Variants in KIAA1671 observed in about 807,000 individuals in gnomAD.
KIAA1671 encodes KIAA1671.
Under a neutral mutation model 131.2 loss-of-function variants are expected in KIAA1671, and 52 were observed. That is an observed-to-expected ratio of 0.40 (90% confidence interval 0.32 to 0.50). KIAA1671 has a LOEUF of 0.50. Ranked by LOEUF, KIAA1671 falls within the 20% of genes least tolerant of loss-of-function variation. The pLI, the probability that KIAA1671 is intolerant of heterozygous loss-of-function variation, is 0.73. For missense variants in KIAA1671, 2,360 were observed against 2,364.2 expected (o/e 1.00, Z 0.04); for synonymous variants, 1,003 against 961.6 (o/e 1.04, Z -0.80).
intron 1 of KIAA1671, among the ~76,000 whole-genome samples, chr22:25,002,867 C>A (rs1924550442): frequency 6.6e-6 from 1 of 152,064 alleles, no homozygotes; most frequent in Non-Finnish European, 1.5e-5. Flanking sequence ...GCAACTGCCT[C>A]TTCCTGGGAT....
rs1934696759 is a variant in KIAA1671, at chr22:25,192,408, A to G, written c.*7A>G. On this transcript the variant is annotated splice_region_variant and 3_prime_UTR_variant, in exon 13 of 13. Transcript: ENST00000358431. ...CAGTACTGTCCCTTCCTCTCCAGGC[A>G]GGGAACACTGCCACATCTACGTAAC... The G allele has an allele frequency of 6.6e-6, 1 of 152,236 alleles. No individual in the cohort carries two copies. Among genetic ancestry groups the G allele is most frequent in the Non-Finnish European group, 1.5e-5 (1 of 68,046 alleles). The allele number at this position is 152,236 out of a possible 1,614,324, so 9.4% of individuals were successfully genotyped here. A position where few individuals can be genotyped will look rare whatever the true frequency, so the allele number is the denominator to read the frequency against.
chr22:24,968,199 G>C (rs1055494159), intron 1 of KIAA1671, among the ~76,000 whole-genome samples: 3 of 152,190 alleles, frequency 2.0e-5, no homozygotes, highest in Admixed American at 6.5e-5. Context: ...AGGTAGGGAA[G>C]GGGGGCGGCG....
rs1468951714 is a variant in KIAA1671 at position 25,193,224 on chromosome 22, T to C, written c.*823T>C. The C allele has an allele frequency of 2.0e-5, 3 of 152,230 alleles. No individual in the cohort carries two copies. Among genetic ancestry groups the C allele is most frequent in the African/African-American group, 4.8e-5 (2 of 41,452 alleles). 9.4% of individuals were successfully genotyped at this position (152,230 alleles called of 1,614,324 possible). A position where few individuals can be genotyped will look rare whatever the true frequency, so the allele number is the denominator to read the frequency against. On this transcript the variant is annotated 3_prime_UTR_variant, in exon 13 of 13. Coordinates refer to ENST00000358431, the MANE Select transcript of KIAA1671 (RefSeq NM_001145206.2). ...TTATCTTATCCCTATCCAAGCTGTTTAGAAGTTATAATTGTCACTCTTGTA... is the reference window on the plus strand; with the variant it reads ...TTATCTTATCCCTATCCAAGCTGTTCAGAAGTTATAATTGTCACTCTTGTA...
At chr22:25,115,338 T>TG (rs1931597304) in intron 6 of KIAA1671, among the ~76,000 whole-genome samples, 1 of 152,038 alleles carries the variant, frequency 6.6e-6, no homozygotes, top group African/African-American at 2.4e-5. Flanking sequence ...TCTGAGGCCA[T>TG]GGGGTGCCGC....
intron 6 of KIAA1671, among the ~76,000 whole-genome samples, chr22:25,070,698 G>A (rs1928776561): frequency 6.6e-6 from 1 of 151,710 alleles, no homozygotes; most frequent in African/African-American, 2.4e-5. Flanking sequence ...AAAACAGGAA[G>A]AACGAGAACC....
chr22:24,990,743 T>G (rs1185792796), intron 1 of KIAA1671, among the ~76,000 whole-genome samples: 1 of 152,108 alleles, frequency 6.6e-6, no homozygotes, highest in East Asian at 1.9e-4. Flanking sequence ...ACCTTGCGGG[T>G]GGGCAGCTTC....
intron 2 of KIAA1671, among the ~76,000 whole-genome samples, chr22:25,026,800 C>G (rs975906005): frequency 2.0e-5 from 3 of 151,914 alleles, no homozygotes; most frequent in African/African-American, 7.2e-5. Flanking sequence ...TGATCGTAGG[C>G]AAGTCTGGCG....
intron 6 of KIAA1671, among the ~76,000 whole-genome samples, chr22:25,084,939 T>G (rs965475247): frequency 5.3e-5 from 8 of 152,258 alleles, no homozygotes; most frequent in Non-Finnish European, 1.0e-4. Context: ...CTTAGGGCTC[T>G]GGAAGTGAGT....
intron 6 of KIAA1671, chr22:25,112,321 C>T: frequency 2.5e-6 from 1 of 399,018 alleles, no homozygotes; most frequent in East Asian, 3.6e-5. Flanking sequence ...AGTCGGCCAG[C>T]CGGACCCCCT....
intron 6 of KIAA1671, among the ~76,000 whole-genome samples, chr22:25,143,438 A>G (rs1297193234): frequency 1.3e-5 from 2 of 152,378 alleles, no homozygotes; most frequent in Non-Finnish European, 2.9e-5. Flanking sequence ...CCAAATGTCC[A>G]TTTTGAAATG....
intron 6 of KIAA1671, among the ~76,000 whole-genome samples, chr22:25,109,486 C>T (rs1414989139): frequency 6.6e-6 from 1 of 152,142 alleles, no homozygotes; most frequent in Non-Finnish European, 1.5e-5. Context: ...CACGGACCAA[C>T]CTTGATTCGT....
chr22:25,121,245 A>G (rs1931929205), intron 6 of KIAA1671, among the ~76,000 whole-genome samples: 2 of 152,026 alleles, frequency 1.3e-5, no homozygotes, highest in Admixed American at 1.3e-4. Context: ...GGCGGATCAC[A>G]AGGTCAGGAG....
chr22:24,978,557 A>G (rs1222773867), intron 1 of KIAA1671, among the ~76,000 whole-genome samples: 1 of 152,196 alleles, frequency 6.6e-6, no homozygotes, highest in African/African-American at 2.4e-5. Context: ...CTAGCATGTC[A>G]TAGAACTAGG....
chr22:24,958,995 A>G (rs1424641370), intron 1 of KIAA1671, among the ~76,000 whole-genome samples: 16 of 146,682 alleles, frequency 1.1e-4, no homozygotes, highest in South Asian at 8.5e-4. Flanking sequence ...AAAAAAAAAA[A>G]AAAGAAAAGA....
intron 6 of KIAA1671, chr22:25,052,234 T>C (rs1043320230): frequency 2.6e-5 from 4 of 152,300 alleles, no homozygotes; most frequent in Non-Finnish European, 5.9e-5. Context: ...GAGAATGTGA[T>C]ATTTGCTCAG....
chr22:24,974,685 CTTTTTTT>C (rs34171375), intron 1 of KIAA1671, among the ~76,000 whole-genome samples: 8 of 81,270 alleles, frequency 9.8e-5, no homozygotes, highest in African/African-American at 3.7e-4. Context: ...CAGCTCACCT[CTTTTTTT>C]TTTTTTTTTT....
rs1331329869 is a variant in KIAA1671 at position 25,029,267 on chromosome 22, G to A, written c.1268G>A (p.Gly423Glu). Residue 423 changes from glycine (G) to glutamate (E), a missense_variant, in exon 3 of 13, where the codon GGG becomes GAG. Physicochemically the swap from Gly to Glu is moderately conservative, Grantham distance 98. Coordinates refer to ENST00000358431, the MANE Select transcript of KIAA1671 (RefSeq NM_001145206.2). ...GAGGTTAAGAGCAGAGTGGCGGATG[G>A]GGAGGCCGCGGCAGGGGGAGAGTGG... Reference protein sequence around the residue: ...LAEVKSRVADGEAAAGGEWAS... With the variant: ...LAEVKSRVADEEAAAGGEWAS... The A allele has an allele frequency of 8.0e-6, 12 of 1,501,282 alleles. No individual in the cohort carries two copies. The highest frequency in any genetic ancestry group is 9.8e-6 in the Non-Finnish European group (11 of 1,119,546). The allele number at this position is 1,501,282 out of a possible 1,614,324, so 93.0% of individuals were successfully genotyped here.
intron 6 of KIAA1671, among the ~76,000 whole-genome samples, chr22:25,164,456 T>C (rs746374002): frequency 6.6e-6 from 1 of 152,168 alleles, no homozygotes; most frequent in Non-Finnish European, 1.5e-5. Flanking sequence ...AAGGTAGAGA[T>C]TGGAGACTTG....
Position 25,028,542 on chromosome 22 carries a change from G to GC in KIAA1671, c.546dup (p.Ala183ArgfsTer110). 14 of 1,539,526 alleles carry GC rather than the reference G, an allele frequency of 9.1e-6. No homozygotes were observed. The Admixed American group carries it at 1.4e-4, about 15-fold the overall frequency. On this transcript the variant is annotated frameshift_variant, in exon 3 of 13. Coordinates refer to ENST00000358431, the MANE Select transcript of KIAA1671 (RefSeq NM_001145206.2). LOFTEE classifies it high-confidence loss of function. ...GCTCCCGGCCTGAGGTGGCTGCCAA[G>GC]CCCGCCCTGCCCACCCAGAAGCCTG...
Sources: gnomAD v4.1 joint callset for allele counts (sites outside exome capture counted in the v4.1 genomes callset) on GRCh38, gnomAD v4.1.1 for gene constraint, MANE v1.5 for transcripts, NCBI Gene and HGNC (gene_info 2026-07-23, HGNC 2026-07-21) for gene names.